The following NAALADL2 variants were observed in gnomAD, a reference collection of about 807,000 sequenced individuals.
NAALADL2 encodes the protein N-acetylated alpha-linked acidic dipeptidase like 2, also known as inactive N-acetylated-alpha-linked acidic dipeptidase-like protein 2.
In NAALADL2, 76 loss-of-function variants were observed where a neutral mutation model predicts 87.2. The observed-to-expected ratio is 0.87, with a 90% CI of 0.72 to 1.05. The LOEUF is 1.05. Ranked by LOEUF, NAALADL2 falls within the 50% of genes least tolerant of loss-of-function variation. The pLI, the probability that NAALADL2 is intolerant of heterozygous loss-of-function variation, is 0.00. For missense variants in NAALADL2, 1,089 were observed against 945.8 expected, an observed-to-expected ratio of 1.15 and a Z score of -1.99; for synonymous variants, 354 against 331.0, an observed-to-expected ratio of 1.07 and a Z score of -0.75.
chr3:175,334,095 C>T (rs1269522800), intron 5 of NAALADL2, among the ~76,000 whole-genome samples: 1 of 152,170 alleles, frequency 6.6e-6, no homozygotes, highest in African/African-American at 2.4e-5. Flanking sequence ...ATTTTCTCCA[C>T]TCATACCTAG....
At chr3:174,663,693 G>C (rs1725707168) in intron 2 of NAALADL2, among the ~76,000 whole-genome samples, 1 of 152,046 alleles carries the variant, frequency 6.6e-6, no homozygotes, top group Admixed American at 6.6e-5. Context: ...TTTAGCATTG[G>C]GGATCAAATT....
At chr3:175,262,151 TA>T (rs1751145916) in intron 4 of NAALADL2, among the ~76,000 whole-genome samples, 2 of 152,070 alleles carry the variant, frequency 1.3e-5, no homozygotes, top group Admixed American at 6.6e-5. Context: ...TTACAATCAA[TA>T]GTTAATGAAT....
chr3:175,295,275 A>C (rs529865014), intron 4 of NAALADL2, among the ~76,000 whole-genome samples: 8 of 152,284 alleles, frequency 5.3e-5, no homozygotes, highest in Admixed American at 5.2e-4. Context: ...AAAGTTGGCC[A>C]AGTGGGATTA....
At chr3:175,585,779 C>G (rs1720461374) in intron 10 of NAALADL2, among the ~76,000 whole-genome samples, 1 of 151,478 alleles carries the variant, frequency 6.6e-6, no homozygotes, top group Admixed American at 6.6e-5. Context: ...CTCTTCATTC[C>G]TTGGTAATTG....
intron 1 of NAALADL2, among the ~76,000 whole-genome samples, chr3:174,962,418 T>TATATATATGTCATAGTGACTATGAC (rs1553904533): frequency 7.3e-6 from 1 of 137,866 alleles, no homozygotes; most frequent in African/African-American, 2.7e-5. Flanking sequence ...ATGACATATA[T>TATATATATGTCATAGTGACTATGAC]ATATATATAT....
chr3:175,337,958 G>C (rs1762165602), intron 5 of NAALADL2, among the ~76,000 whole-genome samples: 1 of 152,198 alleles, frequency 6.6e-6, no homozygotes, highest in Non-Finnish European at 1.5e-5. Flanking sequence ...AAACTACGAT[G>C]AGAGTGGTGT....
At chr3:174,937,196 C>G (rs1206732041) in intron 1 of NAALADL2, among the ~76,000 whole-genome samples, 1 of 152,070 alleles carries the variant, frequency 6.6e-6, no homozygotes, top group African/African-American at 2.4e-5. Flanking sequence ...GAACCTTTCA[C>G]TGGTAATTAG....
chr3:175,323,520 G>A lies in NAALADL2; in HGVS notation c.940-655G>A, dbSNP rs1016602181. Among the ~76,000 whole-genome samples the A allele has an allele frequency of 3.3e-5, 5 of 152,004 alleles. No homozygotes were observed. In the South Asian group the frequency reaches 6.2e-4, roughly 19 times the overall value. On this transcript the variant is annotated intron_variant, in intron 4 of 13. Coordinates refer to ENST00000454872, the MANE Select transcript of NAALADL2 (RefSeq NM_207015.3). ...AAAAAAAAGAACCTTATGTATGGTA[G>A]ATCCTCTATTAATCCAAAAAAAGTA...
intron 2 of NAALADL2, among the ~76,000 whole-genome samples, chr3:175,138,308 G>T (rs1729433195): frequency 6.6e-6 from 1 of 152,128 alleles, no homozygotes; most frequent in Non-Finnish European, 1.5e-5. Flanking sequence ...ATTAATATAA[G>T]TCATAGGCAA....
At chr3:175,786,792 G>A (rs370413058) in intron 13 of NAALADL2, among the ~76,000 whole-genome samples, 279 of 152,134 alleles carry the variant, frequency 1.8e-3, no homozygotes, top group African/African-American at 5.7e-3. Flanking sequence ...GGCGCTCTGC[G>A]TTTTAGAGTT....
intron 1 of NAALADL2, among the ~76,000 whole-genome samples, chr3:174,538,925 C>T (rs1306574444): frequency 6.6e-6 from 1 of 152,076 alleles, no homozygotes; most frequent in African/African-American, 2.4e-5. Flanking sequence ...ATGTATGAAA[C>T]CAAGCTGGAG....
intron 6 of NAALADL2, among the ~76,000 whole-genome samples, chr3:175,459,652 A>G (rs1722819087): frequency 6.6e-6 from 1 of 152,132 alleles, no homozygotes; most frequent in African/African-American, 2.4e-5. Flanking sequence ...AAAGGGTTCG[A>G]TATTAACAGG....
At chr3:174,516,377 T>A (rs544950957) in intron 1 of NAALADL2, among the ~76,000 whole-genome samples, 1 of 152,106 alleles carries the variant, frequency 6.6e-6, no homozygotes, top group Admixed American at 6.5e-5. Flanking sequence ...TTTTTCCTCC[T>A]GTCTTGGGGG....
intron 3 of NAALADL2, among the ~76,000 whole-genome samples, chr3:174,752,747 GA>G (rs1417650482): frequency 6.6e-6 from 1 of 151,978 alleles, no homozygotes; most frequent in African/African-American, 2.4e-5. Flanking sequence ...TAAAATACTT[GA>G]GAATAGTAAT....
At chr3:175,073,964 C>T (rs141392730) in intron 1 of NAALADL2, among the ~76,000 whole-genome samples, 2 of 151,990 alleles carry the variant, frequency 1.3e-5, no homozygotes, top group African/African-American at 4.8e-5. Flanking sequence ...TCTTTCCATG[C>T]ACCATCTCAC....
chr3:175,729,998 T>C (rs899746928), intron 11 of NAALADL2, among the ~76,000 whole-genome samples: 35 of 152,060 alleles, frequency 2.3e-4, no homozygotes, highest in African/African-American at 7.7e-4. Flanking sequence ...TATAAAAATA[T>C]AGAAAACCAC....
At chr3:174,666,679 T>A (rs1725985201) in intron 2 of NAALADL2, among the ~76,000 whole-genome samples, 1 of 152,328 alleles carries the variant, frequency 6.6e-6, no homozygotes, top group Admixed American at 6.5e-5. Context: ...TTTTAAATAC[T>A]TTTTTAGTGG....
rs535112597 is a variant in NAALADL2 at position 174,464,514 on chromosome 3, A to G, written c.-184+23482A>G. 1.2e-4 allele frequency among the ~76,000 whole-genome samples: 19 copies of G among 152,072 alleles called. No individual in the cohort carries two copies. The South Asian group carries it at 3.9e-3, about 32-fold the overall frequency. ...AAATAGAAACTTATTTCTCCATCAC[A>G]TAACAGTGGTGGGATAGTCCAGTGG... On this transcript the variant is annotated intron_variant, in intron 1 of 3. Transcript: ENST00000434257.
intron 1 of NAALADL2, among the ~76,000 whole-genome samples, chr3:175,037,237 TGA>T (rs1753529138): frequency 6.6e-6 from 1 of 152,132 alleles, no homozygotes; most frequent in African/African-American, 2.4e-5. Context: ...AAGGCACTGG[TGA>T]TATGACTAAG....
Sources: gnomAD v4.1 joint callset for allele counts (sites outside exome capture counted in the v4.1 genomes callset) on GRCh38, gnomAD v4.1.1 for gene constraint, MANE v1.5 for transcripts, NCBI Gene and HGNC (gene_info 2026-07-23, HGNC 2026-07-21) for gene names.